The following CNTN4 variants were observed in gnomAD, a reference collection of about 807,000 sequenced individuals.
CNTN4 encodes contactin 4.
A neutral mutation model predicts 122.5 loss-of-function variants in CNTN4; 77 were observed. That is an observed-to-expected ratio of 0.63 (90% confidence interval 0.52 to 0.76). CNTN4 has a LOEUF of 0.76. Among genes scored for constraint, CNTN4 ranks in the 30% least tolerant of loss-of-function variants. CNTN4 has a pLI of 0.00. For synonymous variants in CNTN4, 512 were observed against 447.0 expected, an observed-to-expected ratio of 1.15 and a Z score of -1.83; for missense variants, 1,256 against 1,259.1, an observed-to-expected ratio of 1.00 and a Z score of 0.04.
chr3:2,667,979 G>A (rs2084272215), intron 4 of CNTN4, among the ~76,000 whole-genome samples: 1 of 152,074 alleles, frequency 6.6e-6, no homozygotes, highest in Admixed American at 6.6e-5. Context: ...GTACCATGCT[G>A]TTTTGGTTAC....
intron 3 of CNTN4, among the ~76,000 whole-genome samples, chr3:2,421,337 C>T (rs1430570593): frequency 4.6e-5 from 7 of 150,728 alleles, no homozygotes; most frequent in Non-Finnish European, 8.8e-5. Flanking sequence ...AGTGCAACCT[C>T]TACTCACGGG....
intron 6 of CNTN4, among the ~76,000 whole-genome samples, chr3:2,811,628 A>G (rs1279466346): frequency 3.3e-5 from 5 of 149,372 alleles, no homozygotes; most frequent in Admixed American, 6.6e-5. Flanking sequence ...CTAGTCCCTT[A>G]CTTTCGACTG....
intron 2 of CNTN4, among the ~76,000 whole-genome samples, chr3:2,166,143 T>C (rs995759893): frequency 6.6e-6 from 1 of 152,114 alleles, no homozygotes; most frequent in Non-Finnish European, 1.5e-5. Context: ...TGCATAATGG[T>C]ATATTCATTA....
At chr3:2,468,898 A>G (rs1414616831) in intron 3 of CNTN4, among the ~76,000 whole-genome samples, 2 of 152,214 alleles carry the variant, frequency 1.3e-5, no homozygotes, top group African/African-American at 4.8e-5. Context: ...AAGTTTTCCC[A>G]GAAATCCTCT....
At chr3:2,673,627 A>C (rs2084666215) in intron 4 of CNTN4, among the ~76,000 whole-genome samples, 1 of 151,686 alleles carries the variant, frequency 6.6e-6, no homozygotes, top group Non-Finnish European at 1.5e-5. Flanking sequence ...TGCAAGCTGC[A>C]CCTCACGGGT....
chr3:2,473,800 G>C (rs1559585708), intron 3 of CNTN4, among the ~76,000 whole-genome samples: 1 of 152,068 alleles, frequency 6.6e-6, no homozygotes, highest in African/African-American at 2.4e-5. Context: ...ATCACTTGAG[G>C]TCTGGAGTTC....
chr3:2,468,641 T>A (rs2075586093), intron 3 of CNTN4, among the ~76,000 whole-genome samples: 1 of 152,178 alleles, frequency 6.6e-6, no homozygotes, highest in African/African-American at 2.4e-5. Flanking sequence ...TGGAGGCCTG[T>A]AGATTAGGTA....
chr3:2,380,626 C>T lies in CNTN4; in HGVS notation c.-89+41393C>T, dbSNP rs559564929. Among the ~76,000 whole-genome samples, 25 of 152,004 alleles carry T rather than the reference C, an allele frequency of 1.6e-4. No individual in the cohort carries two copies. The South Asian group carries it at 4.8e-3, about 29-fold the overall frequency. On this transcript the variant is annotated intron_variant, in intron 3 of 24. Coordinates refer to ENST00000418658, the MANE Select transcript of CNTN4 (RefSeq NM_175607.3). Reference sequence around the variant, plus strand: ...AACAAAATGATCAGTTTACCCAGGTCATTTACTACATTGACTATTGCCAAA... The same window carrying T: ...AACAAAATGATCAGTTTACCCAGGTTATTTACTACATTGACTATTGCCAAA...
chr3:2,676,938 CT>C (rs1333460136), intron 4 of CNTN4, among the ~76,000 whole-genome samples: 1 of 152,128 alleles, frequency 6.6e-6, no homozygotes, highest in Non-Finnish European at 1.5e-5. Context: ...CTAGGAACAT[CT>C]AAATAGACTT....
At chr3:2,461,569 G>A (rs142255954) in intron 3 of CNTN4, among the ~76,000 whole-genome samples, 3 of 152,272 alleles carry the variant, frequency 2.0e-5, no homozygotes, top group East Asian at 1.9e-4. Context: ...CCGCTGTACC[G>A]ACTTGTATCA....
intron 3 of CNTN4, among the ~76,000 whole-genome samples, chr3:2,418,215 C>A (rs2047488071): frequency 6.6e-6 from 1 of 152,016 alleles, no homozygotes; most frequent in Non-Finnish European, 1.5e-5. Flanking sequence ...ATTGATAGTT[C>A]AGAGAGGCTG....
intron 3 of CNTN4, among the ~76,000 whole-genome samples, chr3:2,497,563 G>A (rs528869151): frequency 9.9e-5 from 15 of 152,220 alleles, no homozygotes; most frequent in Admixed American, 9.2e-4. Context: ...AGGATTTAGG[G>A]GTGGGAGTTA....
chr3:2,667,206 A>G (rs889306592), intron 4 of CNTN4, among the ~76,000 whole-genome samples: 1 of 152,182 alleles, frequency 6.6e-6, no homozygotes, highest in Non-Finnish European at 1.5e-5. Context: ...CAGTCCCACT[A>G]ACAGTGTAAA....
At chr3:2,848,874 A>G (rs1470195705) in intron 7 of CNTN4, among the ~76,000 whole-genome samples, 1 of 152,122 alleles carries the variant, frequency 6.6e-6, no homozygotes, top group East Asian at 1.9e-4. Flanking sequence ...CAGCCAGACG[A>G]CATAGGTCTA....
At chr3:2,239,813 C>T (rs75974433) in intron 2 of CNTN4, among the ~76,000 whole-genome samples, 2,609 of 152,190 alleles carry the variant, frequency 0.017, 76 homozygotes, top group African/African-American at 0.06. Context: ...TTCTTGTTTT[C>T]TTGCTGAATT....
intron 2 of CNTN4, among the ~76,000 whole-genome samples, chr3:2,178,678 G>C (rs1464474758): frequency 6.6e-6 from 1 of 152,002 alleles, no homozygotes. Context: ...AAATTCTATA[G>C]GCCCATCACT....
At chr3:2,103,127 G>A (rs2032127000) in intron 2 of CNTN4, among the ~76,000 whole-genome samples, 1 of 151,558 alleles carries the variant, frequency 6.6e-6, no homozygotes, top group South Asian at 2.1e-4. Context: ...CTAGTAAGTA[G>A]CAGAGCTGGG....
At chr3:2,557,513 G>A (rs1400647640) in intron 3 of CNTN4, among the ~76,000 whole-genome samples, 3 of 152,122 alleles carry the variant, frequency 2.0e-5, no homozygotes, top group East Asian at 1.9e-4. Context: ...AGATCACGAG[G>A]TCAGGAGATC....
At chr3:2,280,310 A>G (rs1025836086) in intron 2 of CNTN4, among the ~76,000 whole-genome samples, 1 of 152,202 alleles carries the variant, frequency 6.6e-6, no homozygotes, top group Non-Finnish European at 1.5e-5. Context: ...TGATTGATTA[A>G]AAGTATATTT....
Sources: gnomAD v4.1 joint callset for allele counts (sites outside exome capture counted in the v4.1 genomes callset) on GRCh38, gnomAD v4.1.1 for gene constraint, MANE v1.5 for transcripts, NCBI Gene and HGNC (gene_info 2026-07-23, HGNC 2026-07-21) for gene names.